The following CLDN14 variants were observed in gnomAD, a reference collection of about 807,000 sequenced individuals.
CLDN14 encodes the protein claudin 14, also known as claudin-14.
In CLDN14, 2 loss-of-function variants were observed where a neutral mutation model predicts 2.1. That is an observed-to-expected ratio of 0.96 (90% CI 0.39 to 3.01). The LOEUF is 3.01. Ranked by LOEUF, CLDN14 falls within the 30% of genes most tolerant of loss-of-function variation. CLDN14 has a pLI of 0.09. For synonymous variants in CLDN14, 136 were observed against 154.4 expected (o/e 0.88, Z 0.88); for missense variants, 298 against 328.0 (o/e 0.91, Z 0.71).
At chr21:36,515,449 G>GATCACCTGA (rs1181805756) in intron 1 of CLDN14, among the ~76,000 whole-genome samples, 3 of 152,084 alleles carry the variant, frequency 2.0e-5, no homozygotes, top group African/African-American at 4.8e-5. Context: ...GAGGTGGGTA[G>GATCACCTGA]ATCACCTGAG....
chr21:36,547,106 G>C (rs1211527832), intron 1 of CLDN14, among the ~76,000 whole-genome samples: 2 of 152,212 alleles, frequency 1.3e-5, no homozygotes, highest in East Asian at 3.8e-4. Context: ...TTTCAAGTTA[G>C]ACTATTCCTA....
chr21:36,528,255 G>A (rs530636710), intron 1 of CLDN14, among the ~76,000 whole-genome samples: 3 of 152,248 alleles, frequency 2.0e-5, no homozygotes, highest in African/African-American at 7.2e-5. Flanking sequence ...CTTAACATGT[G>A]CCAGGCAGTG....
intron 1 of CLDN14, among the ~76,000 whole-genome samples, chr21:36,463,252 C>T (rs1446340345): frequency 1.3e-5 from 2 of 152,318 alleles, no homozygotes; most frequent in East Asian, 1.9e-4. Flanking sequence ...AAAAGGGAAG[C>T]GTCTCTGCTG....
At chr21:36,489,117 G>GAAAAAAAAAA (rs869298653) in intron 2 of CLDN14, among the ~76,000 whole-genome samples, 39 of 56,962 alleles carry the variant, frequency 6.8e-4, no homozygotes, top group African/African-American at 1.6e-3. Flanking sequence ...CTGTCTCAAA[G>GAAAAAAAAAA]AAAAAAAAAA....
chr21:36,499,321 C>G lies in CLDN14; in HGVS notation c.-82+11042G>C, dbSNP rs743424. ...CTGGAGTGCAGTGGTGTGATCTCAG[C>G]TCGCTGCAACCTCTGCCTCCTGGGT... On this transcript the variant is annotated intron_variant, in intron 2 of 2. Transcript: ENST00000342108. This position sits in a 1 kb window ranked among gnomAD's most constrained non-coding sequence, Gnocchi z 4.7. 6.6e-6 allele frequency among the ~76,000 whole-genome samples: 1 copy of G among 152,086 alleles called. No individual in the cohort carries two copies. The highest frequency in any genetic ancestry group is 2.4e-5 in the African/African-American group (1 of 41,506).
intron 1 of CLDN14, among the ~76,000 whole-genome samples, chr21:36,472,087 A>C (rs1360815987): frequency 2.0e-5 from 3 of 152,216 alleles, no homozygotes; most frequent in Non-Finnish European, 4.4e-5. Flanking sequence ...CGCAATGCGC[A>C]TTTTGCCATC....
chr21:36,492,532 G>A lies in CLDN14; in HGVS notation c.-82+17831C>T, dbSNP rs113118738. ...TAATCCCAGCTACTTGGGAGGCTGA[G>A]GTGGGAGGATCTCTTGAGCCCGGGA... On this transcript the variant is annotated intron_variant, in intron 2 of 2. Coordinates refer to the CLDN14 transcript ENST00000342108. Among the ~76,000 whole-genome samples, 861 of 152,098 alleles carry A rather than the reference G, an allele frequency of 5.7e-3. 11 individuals carry two copies. Among genetic ancestry groups the A allele is most frequent in the African/African-American group, 0.02 (818 of 41,504 alleles).
chr21:36,486,758 C>A, intron 2 of CLDN14: 1 of 887,616 alleles, frequency 1.1e-6, no homozygotes, highest in South Asian at 1.4e-5. Context: ...TTTGGGCTTC[C>A]CACGAAGGCA....
intron 1 of CLDN14, among the ~76,000 whole-genome samples, chr21:36,568,168 G>A (rs2087686049): frequency 2.0e-5 from 3 of 152,120 alleles, no homozygotes; most frequent in East Asian, 3.9e-4. Context: ...TTGGTTTACC[G>A]AGGAATTGCA....
chr21:36,555,823 G>A, intron 1 of CLDN14, among the ~76,000 whole-genome samples: 1 of 140,020 alleles, frequency 7.1e-6, no homozygotes, highest in Non-Finnish European at 1.6e-5. Context: ...GTGTGTGTGT[G>A]TGTGTGTGTG....
chr21:36,492,645 A>G (rs1054614874), intron 2 of CLDN14, among the ~76,000 whole-genome samples: 22 of 151,832 alleles, frequency 1.4e-4, no homozygotes, highest in African/African-American at 5.1e-4. Flanking sequence ...AACAAAACGA[A>G]AAAAAGGTAA....
intron 1 of CLDN14, among the ~76,000 whole-genome samples, chr21:36,537,022 C>A (rs2087429193): frequency 6.6e-6 from 1 of 152,280 alleles, no homozygotes. Context: ...GAGACCTCGT[C>A]TCTACTAAAA....
intron 1 of CLDN14, among the ~76,000 whole-genome samples, chr21:36,465,817 CCAAGCAT>C (rs1303700362): frequency 6.6e-6 from 1 of 152,192 alleles, no homozygotes; most frequent in African/African-American, 2.4e-5. Context: ...AAATAGGGTT[CCAAGCAT>C]CAAGCTCTAG....
chr21:36,497,472 G>C (rs79043484), intron 2 of CLDN14, among the ~76,000 whole-genome samples: 3 of 149,612 alleles, frequency 2.0e-5, no homozygotes, highest in Non-Finnish European at 4.4e-5. Flanking sequence ...TTTCCAACAG[G>C]AAGGGGCTCA....
At chr21:36,462,012 C>T (rs759249067) in intron 1 of CLDN14, among the ~76,000 whole-genome samples, 1 of 152,170 alleles carries the variant, frequency 6.6e-6, no homozygotes, top group East Asian at 1.9e-4. Flanking sequence ...GGGTTCCAGC[C>T]ACCTGCCGGA....
Position 36,515,784 on chromosome 21 carries a change from C to CTT in CLDN14, c.-219-5286_-219-5285dup, listed in dbSNP as rs1173743838. 8.1e-3 allele frequency among the ~76,000 whole-genome samples: 393 copies of CTT among 48,620 alleles called. 1 individual carries two copies. The highest frequency in any genetic ancestry group is 0.02 in the African/African-American group (373 of 18,766). The allele number at this position is 48,620 out of a possible 152,430, so 31.9% of individuals were successfully genotyped here. A position where few individuals can be genotyped will look rare whatever the true frequency, so the allele number is the denominator to read the frequency against. On this transcript the variant is annotated intron_variant, in intron 1 of 2. Coordinates refer to the CLDN14 transcript ENST00000342108. ...GTGCTAAGCTGTGTTTCCCTTTTAT[C>CTT]TTCTCTTTTTTTTTTTTTTTGAGAC...
chr21:36,521,077 G>T (rs1229219697), intron 1 of CLDN14, among the ~76,000 whole-genome samples: 2 of 148,904 alleles, frequency 1.3e-5, no homozygotes, highest in Admixed American at 1.3e-4. Flanking sequence ...GTTTCAGAAA[G>T]AAAGAAAAAA....
At chr21:36,573,378 A>G (rs1568885497) in intron 1 of CLDN14, among the ~76,000 whole-genome samples, 1 of 152,118 alleles carries the variant, frequency 6.6e-6, no homozygotes, top group Non-Finnish European at 1.5e-5. Context: ...CTCAAAAAGT[A>G]TATAGAAAAG....
chr21:36,466,996 T>A (rs1003650358), intron 1 of CLDN14, among the ~76,000 whole-genome samples: 4 of 152,140 alleles, frequency 2.6e-5, no homozygotes, highest in African/African-American at 7.2e-5. Flanking sequence ...GTCGACTTCA[T>A]CCCCAGCAGA....
Sources: gnomAD v4.1 joint callset for allele counts (sites outside exome capture counted in the v4.1 genomes callset) on GRCh38, gnomAD v4.1.1 for gene constraint, Gnocchi (gnomAD v3.1) non-coding constraint, MANE v1.5 for transcripts, NCBI Gene and HGNC (gene_info 2026-07-23, HGNC 2026-07-21) for gene names.